PPP1R12B: variants seen among roughly 807,000 people sequenced by gnomAD.
The protein encoded by PPP1R12B is protein phosphatase 1 regulatory subunit 12B, also known as myosin phosphatase target subunit 2.
A neutral mutation model predicts 126.1 loss-of-function variants in PPP1R12B; 76 were observed. That is an observed-to-expected ratio of 0.60 (90% CI 0.50 to 0.73). PPP1R12B has a LOEUF of 0.73. Among genes scored for constraint, PPP1R12B ranks in the 30% least tolerant of loss-of-function variants. The pLI is 0.00. For missense variants in PPP1R12B, 1,052 were observed against 1,205.1 expected (o/e 0.87, Z 1.88); for synonymous variants, 356 against 434.7 (o/e 0.82, Z 2.25).
intron 23 of PPP1R12B, chr1:202,574,909 A>G (rs1688948502): frequency 8.0e-6 from 10 of 1,257,278 alleles, no homozygotes; most frequent in Non-Finnish European, 1.1e-5. Context: ...ACAAAAAGTC[A>G]TGTGATTTCT....
rs571108311 is a variant in PPP1R12B, at chr1:202,373,984, A to G, written c.291+24842A>G. ...TATTAATTTTTTGATACCCTTGATT[A>G]TAAAACCGTTAATAACCCTGGGAAA... On this transcript the variant is annotated intron_variant, in intron 1 of 23. Transcript: ENST00000608999. Among the ~76,000 whole-genome samples the G allele has an allele frequency of 9.2e-5, 14 of 152,304 alleles. No homozygotes were observed. In the East Asian group the frequency reaches 2.7e-3, roughly 29 times the overall value.
At chr1:202,564,636 G>C (rs1572524867) in intron 21 of PPP1R12B, 89 bp downstream of exon 21, 1 of 1,071,436 alleles carries the variant, frequency 9.3e-7, no homozygotes, top group South Asian at 1.4e-5. Flanking sequence ...CAGGAAGTAA[G>C]ATAGAGTCAA....
At position 202,567,793 on chromosome 1, in the gene PPP1R12B, A is replaced by T. The variant is rs1688196706; in HGVS notation, c.2773A>T (p.Thr925Ser). Residue 925 changes from threonine to serine, a missense_variant, in exon 22 of 24, where the codon ACC becomes TCC. Thr to Ser is a moderately conservative substitution (Grantham distance 58, BLOSUM62 1). Transcript: ENST00000608999. Reference sequence around the variant, plus strand: ...TTTGCACCAGCAGAAACAAGAAAAGACCTCTGACCGATCATCAGTGCTGGA... The same window carrying T: ...TTTGCACCAGCAGAAACAAGAAAAGTCCTCTGACCGATCATCAGTGCTGGA... Reference protein sequence around the residue: ...EKVAQQKQEKTSDRSSVLEME... With the variant: ...EKVAQQKQEKSSDRSSVLEME... 6.2e-7 allele frequency: 1 copy of T among 1,613,922 alleles called. No individual in the cohort carries two copies.
chr1:202,404,694 G>T (rs1161624367), intron 1 of PPP1R12B, among the ~76,000 whole-genome samples: 4 of 151,972 alleles, frequency 2.6e-5, no homozygotes, highest in Non-Finnish European at 4.4e-5. Flanking sequence ...GTAGAGACGG[G>T]GTTTCACTGT....
intron 13 of PPP1R12B, among the ~76,000 whole-genome samples, chr1:202,484,291 C>T (rs1472654852): frequency 2.0e-5 from 3 of 152,014 alleles, no homozygotes; most frequent in African/African-American, 2.4e-5. Context: ...TAATTTCTTT[C>T]TTTCTTTGTG....
chr1:202,474,953 G>A (rs1676450608), intron 13 of PPP1R12B, among the ~76,000 whole-genome samples: 1 of 152,150 alleles, frequency 6.6e-6, no homozygotes, highest in Admixed American at 6.5e-5. Flanking sequence ...CATTTAGTGA[G>A]GAGACTTAGA....
intron 18 of PPP1R12B, among the ~76,000 whole-genome samples, chr1:202,550,185 T>C (rs1354008924): frequency 6.6e-6 from 1 of 152,226 alleles, no homozygotes; most frequent in African/African-American, 2.4e-5. Context: ...TAATATTTAT[T>C]TCCTCATGAA....
At chr1:202,433,698 G>C (rs552213928) in intron 8 of PPP1R12B, among the ~76,000 whole-genome samples, 95 of 152,286 alleles carry the variant, frequency 6.2e-4, no homozygotes, top group African/African-American at 2.1e-3. Context: ...GATTTCTGTA[G>C]AAAACTATAG....
intron 1 of PPP1R12B, among the ~76,000 whole-genome samples, chr1:202,409,766 C>T (rs1393243208): frequency 2.6e-5 from 4 of 152,094 alleles, no homozygotes; most frequent in East Asian, 1.9e-4. Flanking sequence ...TGGGCTCAAG[C>T]GATCCTCCCT....
chr1:202,426,751 TG>T (rs1669569431), intron 4 of PPP1R12B, among the ~76,000 whole-genome samples: 1 of 152,238 alleles, frequency 6.6e-6, no homozygotes, highest in South Asian at 2.1e-4. Flanking sequence ...AATTATGCTT[TG>T]GTTAATCTTA....
intron 1 of PPP1R12B, among the ~76,000 whole-genome samples, chr1:202,352,997 T>C (rs1045230604): frequency 6.6e-6 from 1 of 152,208 alleles, no homozygotes; most frequent in Admixed American, 6.5e-5. Flanking sequence ...GAATAAGCCT[T>C]TGTCATTCTA....
intron 8 of PPP1R12B, 53 bp downstream of exon 8, chr1:202,431,672 A>G (rs1670200538): frequency 3.3e-6 from 5 of 1,519,696 alleles, no homozygotes; most frequent in Non-Finnish European, 4.4e-6. Flanking sequence ...GTGTAAGAAG[A>G]TTACTCCTTG....
intron 13 of PPP1R12B, chr1:202,462,824 T>G: frequency 1.0e-6 from 1 of 985,438 alleles, no homozygotes; most frequent in Non-Finnish European, 1.2e-6. Context: ...TGTTGAAAAT[T>G]GGGCTTCTGG....
chr1:202,466,434 C>T (rs1424183119), intron 13 of PPP1R12B, among the ~76,000 whole-genome samples: 3 of 151,942 alleles, frequency 2.0e-5, no homozygotes, highest in Admixed American at 2.0e-4. Flanking sequence ...TTTCTGATTG[C>T]TCCTTCTTTG....
chr1:202,498,938 T>G (rs535466322), intron 18 of PPP1R12B, among the ~76,000 whole-genome samples: 1 of 152,300 alleles, frequency 6.6e-6, no homozygotes, highest in African/African-American at 2.4e-5. Context: ...CCTAGTCCAC[T>G]CCTTGAGAAT....
chr1:202,365,953 G>T (rs527715552), intron 1 of PPP1R12B, among the ~76,000 whole-genome samples: 2,065 of 152,120 alleles, frequency 0.014, 55 homozygotes, highest in African/African-American at 0.046. Flanking sequence ...TTGCACCGCT[G>T]CACTCCAGCC....
chr1:202,562,772 C>A lies in PPP1R12B; in HGVS notation c.2508-6C>A, dbSNP rs1687659648. On this transcript the variant is annotated splice_polypyrimidine_tract_variant and splice_region_variant and intron_variant, in intron 19 of 23. Transcript: ENST00000608999. ...CAATTTTTATCTTTAATATTATCTC[C>A]CACAGGTTGGAATCGGGAGGTAGTA... is the stretch of plus-strand genomic sequence containing the variant. 2 of 1,609,604 alleles carry A rather than the reference C, an allele frequency of 1.2e-6. No homozygotes were observed.
chr1:202,583,544 A>C lies in PPP1R12B; in HGVS notation c.*2984A>C, dbSNP rs547121749. On this transcript the variant is annotated 3_prime_UTR_variant, in exon 24 of 24. Transcript: ENST00000608999. ...TTCTCTTATGCAATTAATTTTATTAACTGATTTCTGGTCTATCTCCAGAGA... is the reference window on the plus strand; with the variant it reads ...TTCTCTTATGCAATTAATTTTATTACCTGATTTCTGGTCTATCTCCAGAGA... 2 of 152,318 alleles carry C rather than the reference A, an allele frequency of 1.3e-5. No homozygotes were observed. Among genetic ancestry groups the C allele is most frequent in the Non-Finnish European group, 2.9e-5 (2 of 68,036 alleles). The allele number at this position is 152,318 out of a possible 1,614,324, so 9.4% of individuals were successfully genotyped here. A position where few individuals can be genotyped will look rare whatever the true frequency, so the allele number is the denominator to read the frequency against.
chr1:202,510,612 A>G (rs28366808), intron 18 of PPP1R12B, among the ~76,000 whole-genome samples: 1 of 152,080 alleles, frequency 6.6e-6, no homozygotes, highest in Non-Finnish European at 1.5e-5. Flanking sequence ...AACCCAGAGT[A>G]CCAAATTCTC....
Sources: allele counts gnomAD v4.1 joint callset (sites outside exome capture counted in the v4.1 genomes callset), GRCh38; gene constraint gnomAD v4.1.1; transcripts MANE v1.5; gene names NCBI Gene and HGNC (gene_info 2026-07-23, HGNC 2026-07-21).